SLC2A13: variants seen among roughly 807,000 people sequenced by gnomAD.
SLC2A13 encodes the protein proton myo-inositol cotransporter.
A neutral mutation model predicts 64.4 loss-of-function variants in SLC2A13; 32 were observed. That is an observed-to-expected ratio of 0.50 (90% CI 0.37 to 0.67). The LOEUF is 0.67. Ranked by LOEUF, SLC2A13 falls within the 30% of genes least tolerant of loss-of-function variation. SLC2A13 has a pLI of 0.00. For missense variants in SLC2A13, 743 were observed against 829.2 expected, an observed-to-expected ratio of 0.90 and a Z score of 1.28; for synonymous variants, 338 against 327.1, an observed-to-expected ratio of 1.03 and a Z score of -0.36.
At chr12:40,019,595 A>G (rs1947680098) in intron 3 of SLC2A13, among the ~76,000 whole-genome samples, 1 of 152,158 alleles carries the variant, frequency 6.6e-6, no homozygotes, top group Admixed American at 6.5e-5. Flanking sequence ...AGAAAGGGAG[A>G]ATGTGTTTCT....
chr12:39,964,263 G>T (rs1040197035), intron 3 of SLC2A13, among the ~76,000 whole-genome samples: 2 of 151,936 alleles, frequency 1.3e-5, no homozygotes, highest in African/African-American at 2.4e-5. Context: ...AAAGGAAAAA[G>T]AAAAACTATT....
intron 4 of SLC2A13, among the ~76,000 whole-genome samples, chr12:39,873,979 G>C (rs563548933): frequency 1.3e-5 from 2 of 152,280 alleles, no homozygotes; most frequent in South Asian, 4.1e-4. Flanking sequence ...GAATTACTAA[G>C]ATCCCACAGA....
At chr12:40,075,405 T>C (rs1938132477) in intron 1 of SLC2A13, among the ~76,000 whole-genome samples, 1 of 152,210 alleles carries the variant, frequency 6.6e-6, no homozygotes, top group Admixed American at 6.5e-5. Flanking sequence ...TCTCCAGTTT[T>C]GGGGGTAGTG....
Position 39,898,745 on chromosome 12 carries a change from CAG to C in SLC2A13, c.1035-26786_1035-26785del, listed in dbSNP as rs1415136061. Among the ~76,000 whole-genome samples, 141 of 152,124 alleles carry C rather than the reference CAG, an allele frequency of 9.3e-4. 2 individuals carry two copies. The highest frequency in any genetic ancestry group is 9.1e-3 in the Admixed American group (139 of 15,248). On this transcript the variant is annotated intron_variant, in intron 4 of 9. Coordinates refer to ENST00000280871, the MANE Select transcript of SLC2A13 (RefSeq NM_052885.4). ...GGGGCATGTGTTCATGGAATGGAAC[CAG>C]AGTCACCCACACTACTTACATCTCT...
chr12:39,979,185 T>C (rs1416350298), intron 3 of SLC2A13, among the ~76,000 whole-genome samples: 1 of 137,542 alleles, frequency 7.3e-6, no homozygotes, highest in Admixed American at 7.3e-5. Context: ...ATCACCATCA[T>C]CAAAGACCAA....
intron 3 of SLC2A13, among the ~76,000 whole-genome samples, chr12:39,969,012 T>C (rs1946590767): frequency 2.0e-5 from 3 of 152,008 alleles, no homozygotes; most frequent in Admixed American, 6.6e-5. Flanking sequence ...AGTGTTCTCA[T>C]TGTTCAATTC....
At chr12:39,862,150 C>G (rs1943780741) in intron 6 of SLC2A13, among the ~76,000 whole-genome samples, 1 of 152,120 alleles carries the variant, frequency 6.6e-6, no homozygotes, top group Admixed American at 6.5e-5. Context: ...TGAATCAGGC[C>G]TTGGAAAATA....
chr12:40,021,057 T>C (rs1337632825), intron 3 of SLC2A13, among the ~76,000 whole-genome samples: 2 of 152,198 alleles, frequency 1.3e-5, no homozygotes, highest in African/African-American at 4.8e-5. Flanking sequence ...TTATGAGATA[T>C]GGATTTAAGT....
intron 6 of SLC2A13, among the ~76,000 whole-genome samples, chr12:39,849,755 ATT>A (rs1380360406): frequency 6.6e-6 from 1 of 151,756 alleles, no homozygotes; most frequent in Non-Finnish European, 1.5e-5. Context: ...CTTTTCTAGT[ATT>A]TGTTCAATTT....
chr12:39,909,952 C>T (rs909381748), intron 4 of SLC2A13, among the ~76,000 whole-genome samples: 27 of 151,370 alleles, frequency 1.8e-4, no homozygotes, highest in Admixed American at 3.3e-4. Context: ...CTCCTAGTTC[C>T]GTGTTCCCAG....
At chr12:40,021,908 T>A (rs1282557844) in intron 3 of SLC2A13, among the ~76,000 whole-genome samples, 1 of 152,082 alleles carries the variant, frequency 6.6e-6, no homozygotes, top group African/African-American at 2.4e-5. Context: ...ATACGATAAA[T>A]ATTTACCCCC....
At chr12:40,059,483 T>A (rs1238765120) in intron 1 of SLC2A13, among the ~76,000 whole-genome samples, 1 of 152,166 alleles carries the variant, frequency 6.6e-6, no homozygotes, top group African/African-American at 2.4e-5. Context: ...ACTCCCACTT[T>A]AGGTTTGATT....
In SLC2A13 at chr12:39,871,830, C is replaced by A; in HGVS notation, c.1166G>T (p.Gly389Val). ...ACTACCAAAGGTAAGCTTTCTGCGGCCCACCTTCTCAACAAGCCAGACTCC... is the reference window on the plus strand; with the variant it reads ...ACTACCAAAGGTAAGCTTTCTGCGGACCACCTTCTCAACAAGCCAGACTCC... The part of the protein sequence containing the change: ...LVGVWLVEKV[G>V]RRKLTFGSLA... The change falls in exon 5 of 10, where the codon GGC (glycine) becomes GTC (valine). Residue 389 changes from glycine (G) to valine (V), a missense_variant. Gly to Val is a moderately radical substitution (Grantham distance 109). Coordinates refer to ENST00000280871, the MANE Select transcript of SLC2A13 (RefSeq NM_052885.4). 6.2e-7 allele frequency: 1 copy of A among 1,610,936 alleles called. No individual in the cohort carries two copies. Among genetic ancestry groups the A allele is most frequent in the Non-Finnish European group, 8.5e-7 (1 of 1,178,730 alleles).
At chr12:39,969,406 G>A (rs535252748) in intron 3 of SLC2A13, among the ~76,000 whole-genome samples, 8,589 of 151,680 alleles carry the variant, frequency 0.057, 362 homozygotes, top group Middle Eastern at 0.13. Flanking sequence ...ACTAGTTTAC[G>A]GTCCCACCAA....
chr12:39,764,703 A>G (rs1269569621), intron 8 of SLC2A13, 34 bp downstream of exon 8: 5 of 1,597,798 alleles, frequency 3.1e-6, no homozygotes, highest in African/African-American at 1.4e-5. Flanking sequence ...AGGCAATTCA[A>G]TTAATGCAAC....
intron 7 of SLC2A13, among the ~76,000 whole-genome samples, chr12:39,813,178 C>A (rs1942242426): frequency 6.6e-6 from 1 of 151,438 alleles, no homozygotes; most frequent in African/African-American, 2.4e-5. Context: ...TTTAAAACTT[C>A]TTTTATTGGA....
chr12:39,757,192 CCTT>C lies in SLC2A13; in HGVS notation c.*2831_*2833del, dbSNP rs1271470753. The C allele has an allele frequency of 4.0e-5, 6 of 151,696 alleles. No homozygotes were observed. Among genetic ancestry groups the C allele is most frequent in the African/African-American group, 1.2e-4 (5 of 41,350 alleles). 9.4% of individuals were successfully genotyped at this position (151,696 alleles called of 1,614,324 possible). A position where few individuals can be genotyped will look rare whatever the true frequency, so the allele number is the denominator to read the frequency against. Reference sequence around the variant, plus strand: ...CATCCAGCCTCAATAGGGATTTGGACCTTCTTCATTGTATTTTCCTAAGACATA... The same window carrying C: ...CATCCAGCCTCAATAGGGATTTGGACCTTCATTGTATTTTCCTAAGACATA... On this transcript the variant is annotated 3_prime_UTR_variant, in exon 10 of 10. Coordinates refer to ENST00000280871, the MANE Select transcript of SLC2A13 (RefSeq NM_052885.4).
intron 4 of SLC2A13, among the ~76,000 whole-genome samples, chr12:39,885,056 CAGTGATATGAATTGTGACTACATTTA>C (rs1289055726): frequency 6.6e-6 from 1 of 152,210 alleles, no homozygotes; most frequent in African/African-American, 2.4e-5. Flanking sequence ...TTCTAGATGA[CAGTGATATGAATTGTGACTACATTTA>C]AGAGTTGCCT....
rs536445654 is a variant in SLC2A13, at chr12:39,878,526, G to A, written c.1035-6565C>T. Among the ~76,000 whole-genome samples the A allele has an allele frequency of 6.8e-4, 104 of 152,298 alleles. 1 individual carries two copies. In the Middle Eastern group the frequency reaches 0.01, roughly 15 times the overall value. ...GCTGCTGTCTGTTCATGTGTCAGGG[G>A]TCTGTGAAAGCTTGAGCTTGAGATT... On this transcript the variant is annotated intron_variant, in intron 4 of 9. Coordinates refer to ENST00000280871, the MANE Select transcript of SLC2A13 (RefSeq NM_052885.4).
Sources: allele counts gnomAD v4.1 joint callset (sites outside exome capture counted in the v4.1 genomes callset), GRCh38; gene constraint gnomAD v4.1.1; transcripts MANE v1.5; gene names NCBI Gene and HGNC (gene_info 2026-07-23, HGNC 2026-07-21).